Variants in DRC10 observed in about 807,000 individuals in gnomAD.
The protein encoded by DRC10 is IQ domain-containing protein D.
chr12:113,213,176 T>TAAAAAAAAA, the DRC10 span, among the ~76,000 whole-genome samples: 4 of 63,606 alleles, frequency 6.3e-5, no homozygotes, highest in African/African-American at 5.8e-5. Context: ...CAGAGGGTGC[T>TAAAAAAAAA]AAAAAAAAAA....
At chr12:113,214,226 C>T in the DRC10 span, among the ~76,000 whole-genome samples, 2 of 151,802 alleles carry the variant, frequency 1.3e-5, no homozygotes, top group Non-Finnish European at 2.9e-5. Flanking sequence ...ATCACTGTTG[C>T]GGTTGGGCTC....
chr12:113,195,480 A>G, the DRC10 span: 1 of 1,449,402 alleles, frequency 6.9e-7, no homozygotes, highest in Non-Finnish European at 9.1e-7. Context: ...TATTAAATAA[A>G]AACATGAAAG....
chr12:113,195,756 CT>C, the DRC10 span: 1 of 1,613,958 alleles, frequency 6.2e-7, no homozygotes, highest in East Asian at 2.2e-5. Context: ...TGCCTCCATC[CT>C]TTTCTTGGAG....
chr12:113,200,352 C>T, the DRC10 span: 8 of 680,930 alleles, frequency 1.2e-5, no homozygotes, highest in Admixed American at 8.2e-5. Context: ...CAGTTTGTCC[C>T]CTGTCCCCAG....
the DRC10 span, among the ~76,000 whole-genome samples, chr12:113,205,418 A>T: frequency 1.3e-5 from 2 of 152,070 alleles, no homozygotes; most frequent in Non-Finnish European, 2.9e-5. Flanking sequence ...CTGTAGTCCC[A>T]GAGACTCGGG....
the DRC10 span, chr12:113,200,714 C>T: frequency 6.5e-7 from 1 of 1,536,218 alleles, no homozygotes; most frequent in Non-Finnish European, 8.7e-7. Flanking sequence ...TGCTGCTTCT[C>T]AGCCTCCTGC....
At chr12:113,220,368 G>A in the DRC10 span, among the ~76,000 whole-genome samples, 1 of 152,114 alleles carries the variant, frequency 6.6e-6, no homozygotes, top group African/African-American at 2.4e-5. Context: ...TGATTCTCGT[G>A]CCTTAGCCTC....
the DRC10 span, among the ~76,000 whole-genome samples, chr12:113,196,395 C>T: frequency 6.6e-6 from 1 of 152,190 alleles, no homozygotes; most frequent in African/African-American, 2.4e-5. Flanking sequence ...CAAACGGAGT[C>T]CCAGAGTTCT....
chr12:113,201,435 C>T, the DRC10 span, among the ~76,000 whole-genome samples: 1 of 152,194 alleles, frequency 6.6e-6, no homozygotes, highest in Non-Finnish European at 1.5e-5. Context: ...AGGGTACAAG[C>T]TTGTTGGATT....
chr12:113,208,721 A>C, the DRC10 span, among the ~76,000 whole-genome samples: 2 of 152,108 alleles, frequency 1.3e-5, no homozygotes, highest in Non-Finnish European at 2.9e-5. Flanking sequence ...ATGCAGATTA[A>C]AGAAGGGTGG....
the DRC10 span, among the ~76,000 whole-genome samples, chr12:113,213,008 C>T: frequency 6.6e-6 from 1 of 151,882 alleles, no homozygotes; most frequent in Non-Finnish European, 1.5e-5. Context: ...CGTCTTCATT[C>T]AAACAGGCTT....
At chr12:113,213,579 G>A in the DRC10 span, among the ~76,000 whole-genome samples, 1 of 152,208 alleles carries the variant, frequency 6.6e-6, no homozygotes, top group African/African-American at 2.4e-5. Flanking sequence ...CAGAGAGAGA[G>A]GTTAGATGAT....
chr12:113,214,074 G>C, the DRC10 span, among the ~76,000 whole-genome samples: 3 of 152,150 alleles, frequency 2.0e-5, no homozygotes, highest in African/African-American at 7.2e-5. Context: ...CAAACCTCTA[G>C]CTTTCTTCCG....
chr12:113,200,917 T>C, the DRC10 span: 3 of 770,236 alleles, frequency 3.9e-6, no homozygotes, highest in Non-Finnish European at 6.1e-6. Flanking sequence ...GGTGGGTGGG[T>C]CACCTGAGGT....
chr12:113,208,349 A>G, the DRC10 span: 3 of 1,411,364 alleles, frequency 2.1e-6, no homozygotes, highest in Non-Finnish European at 1.8e-6. Context: ...TGACATCAAG[A>G]GTTCATCTTA....
chr12:113,203,027 T>C, the DRC10 span: 1 of 455,440 alleles, frequency 2.2e-6, no homozygotes, highest in African/African-American at 2.0e-5. Context: ...ATCATGCTAC[T>C]GTTTCCCTTT....
the DRC10 span, chr12:113,207,335 G>A: frequency 5.3e-6 from 5 of 951,314 alleles, no homozygotes; most frequent in African/African-American, 3.2e-5. Flanking sequence ...ACAACAGAGC[G>A]AGACTCCATC....
At chr12:113,199,023 C>A in the DRC10 span, among the ~76,000 whole-genome samples, 1 of 151,558 alleles carries the variant, frequency 6.6e-6, no homozygotes, top group Non-Finnish European at 1.5e-5. Context: ...CCGCAACCCC[C>A]GCCTCCTGAG....
chr12:113,217,019 G>A, the DRC10 span, among the ~76,000 whole-genome samples: 21 of 152,104 alleles, frequency 1.4e-4, no homozygotes, highest in Non-Finnish European at 1.5e-5. Context: ...AACCCAAGAG[G>A]CGTAGGTTGC....
Sources: allele counts gnomAD v4.1 joint callset (sites outside exome capture counted in the v4.1 genomes callset), GRCh38; gene constraint gnomAD v4.1.1; transcripts MANE v1.5; gene names NCBI Gene and HGNC (gene_info 2026-07-23, HGNC 2026-07-21).